CABCOCO1: variants seen among roughly 807,000 people sequenced by gnomAD.
CABCOCO1 encodes the protein ciliary-associated calcium-binding coiled-coil protein 1.
In CABCOCO1, 28 loss-of-function variants were observed where a neutral mutation model predicts 35.7. The observed-to-expected ratio is 0.78, with a 90% confidence interval of 0.58 to 1.07. CABCOCO1 has a LOEUF of 1.07. CABCOCO1 is among the 50% of genes least tolerant of loss of function. CABCOCO1 has a pLI of 0.00. For missense variants in CABCOCO1, 326 were observed against 309.2 expected (o/e 1.05, Z -0.41); for synonymous variants, 95 against 100.1 (o/e 0.95, Z 0.30).
intron 5 of CABCOCO1, among the ~76,000 whole-genome samples, chr10:61,750,038 C>T (rs1841747440): frequency 6.6e-6 from 1 of 151,910 alleles, no homozygotes; most frequent in Non-Finnish European, 1.5e-5. Context: ...TAGGGCCTCC[C>T]CATTGAACAA....
chr10:61,752,385 G>A (rs1337267127), intron 5 of CABCOCO1, among the ~76,000 whole-genome samples: 2 of 148,592 alleles, frequency 1.3e-5, no homozygotes, highest in African/African-American at 4.9e-5. Flanking sequence ...AAAAAGGGTA[G>A]GGGCTAGGGA....
intron 3 of CABCOCO1, among the ~76,000 whole-genome samples, chr10:61,682,569 T>C (rs1230069384): frequency 6.6e-6 from 1 of 152,212 alleles, no homozygotes; most frequent in Non-Finnish European, 1.5e-5. Context: ...CTGTAGAATA[T>C]TTTTTATTTC....
At chr10:61,701,713 AG>A in intron 5 of CABCOCO1, 4 of 985,072 alleles carry the variant, frequency 4.1e-6, no homozygotes, top group Non-Finnish European at 4.8e-6. Flanking sequence ...GCATGCCTAA[AG>A]TAAACTGTAT....
In CABCOCO1 at chr10:61,766,586, A is replaced by G. The variant is rs1274636569; in HGVS notation, c.*573A>G. The G allele has an allele frequency of 1.3e-5, 2 of 152,026 alleles. No individual in the cohort carries two copies. Among genetic ancestry groups the G allele is most frequent in the Non-Finnish European group, 1.5e-5 (1 of 68,072 alleles). The allele number at this position is 152,026 out of a possible 1,614,324, so 9.4% of individuals were successfully genotyped here. A position where few individuals can be genotyped will look rare whatever the true frequency, so the allele number is the denominator to read the frequency against. The stretch of plus-strand genomic sequence containing the variant: ...GAAACCAATTTTCTGAAATTATATA[A>G]TGCAGTTTGAAGCACTTTAATTTAT... On this transcript the variant is annotated 3_prime_UTR_variant, in exon 8 of 8. Transcript: ENST00000648843.
chr10:61,712,470 C>A (rs928708943), intron 5 of CABCOCO1, among the ~76,000 whole-genome samples: 3 of 151,994 alleles, frequency 2.0e-5, no homozygotes, highest in Non-Finnish European at 4.4e-5. Flanking sequence ...TTCACTCTGA[C>A]AGTAGTTTCT....
At chr10:61,686,807 T>C (rs9943455) in intron 4 of CABCOCO1, among the ~76,000 whole-genome samples, 232 of 152,304 alleles carry the variant, frequency 1.5e-3, no homozygotes, top group African/African-American at 5.3e-3. Flanking sequence ...TGATTCTTCA[T>C]TGGTGAACTA....
At chr10:61,679,402 T>TAGCAG (rs1839638854) in intron 2 of CABCOCO1, among the ~76,000 whole-genome samples, 1 of 152,152 alleles carries the variant, frequency 6.6e-6, no homozygotes, top group Non-Finnish European at 1.5e-5. Flanking sequence ...CAGGAACCCT[T>TAGCAG]GTCTGCAATA....
At chr10:61,682,955 A>G (rs534372074) in intron 3 of CABCOCO1, among the ~76,000 whole-genome samples, 1 of 142,114 alleles carries the variant, frequency 7.0e-6, no homozygotes, top group East Asian at 2.0e-4. Context: ...CAGTGGTGTG[A>G]TCTTTGCTCA....
chr10:61,709,715 G>A (rs1181291633), intron 5 of CABCOCO1, among the ~76,000 whole-genome samples: 1 of 151,632 alleles, frequency 6.6e-6, no homozygotes, highest in East Asian at 1.9e-4. Context: ...AATGTATAGA[G>A]ACAACAACTC....
At chr10:61,739,984 C>T (rs1589149545) in intron 5 of CABCOCO1, among the ~76,000 whole-genome samples, 1 of 152,198 alleles carries the variant, frequency 6.6e-6, no homozygotes, top group East Asian at 1.9e-4. Flanking sequence ...AAGTTGGTAA[C>T]TACTTGGATA....
intron 5 of CABCOCO1, among the ~76,000 whole-genome samples, chr10:61,694,096 C>A (rs1166309363): frequency 6.6e-6 from 1 of 151,514 alleles, no homozygotes; most frequent in Admixed American, 6.6e-5. Flanking sequence ...GTAAAAGGGA[C>A]TTCGAGGATT....
intron 5 of CABCOCO1, among the ~76,000 whole-genome samples, chr10:61,696,487 G>C (rs984162706): frequency 6.6e-6 from 1 of 151,920 alleles, no homozygotes; most frequent in Non-Finnish European, 1.5e-5. Context: ...ATTAACATAT[G>C]AAGGTCAATT....
At chr10:61,672,490 A>T (rs1364059786) in intron 1 of CABCOCO1, among the ~76,000 whole-genome samples, 142 bp from the exon 2 acceptor site, 1 of 152,266 alleles carries the variant, frequency 6.6e-6, no homozygotes, top group African/African-American at 2.4e-5. Context: ...TGGAAAAGAA[A>T]AGATACCATC....
At chr10:61,712,621 G>T (rs543295759) in intron 5 of CABCOCO1, among the ~76,000 whole-genome samples, 3 of 152,018 alleles carry the variant, frequency 2.0e-5, no homozygotes, top group Non-Finnish European at 2.9e-5. Context: ...TTTGTTCTAG[G>T]GTTTTTATGG....
At chr10:61,702,674 A>C (rs1840490223) in intron 5 of CABCOCO1, among the ~76,000 whole-genome samples, 1 of 152,096 alleles carries the variant, frequency 6.6e-6, no homozygotes, top group African/African-American at 2.4e-5. Flanking sequence ...ATGTTTTCAT[A>C]GTGTTCAAGT....
intron 2 of CABCOCO1, among the ~76,000 whole-genome samples, chr10:61,680,139 C>T (rs1358131414): frequency 1.3e-5 from 2 of 150,968 alleles, no homozygotes; most frequent in Non-Finnish European, 2.9e-5. Context: ...GGTGAAACCC[C>T]GTCTCTACTA....
intron 1 of CABCOCO1, among the ~76,000 whole-genome samples, chr10:61,663,356 GT>G (rs1564526138): frequency 6.6e-6 from 1 of 150,976 alleles, no homozygotes; most frequent in African/African-American, 2.4e-5. Context: ...CGCAGGTTTT[GT>G]TTTTTGGTTT....
intron 5 of CABCOCO1, among the ~76,000 whole-genome samples, chr10:61,737,048 G>A (rs1841433344): frequency 1.3e-5 from 2 of 152,152 alleles, no homozygotes. Flanking sequence ...TTTGGACCAA[G>A]ACTATGGGGT....
In CABCOCO1 at chr10:61,766,288, T is replaced by A. The variant is rs957100373; in HGVS notation, c.*275T>A. On this transcript the variant is annotated 3_prime_UTR_variant, in exon 8 of 8. Coordinates refer to ENST00000648843, the MANE Select transcript of CABCOCO1 (RefSeq NM_001366906.2). ...ATATATAAAAATACAATTACTTTTA[T>A]GATAGTCCTTTGACGTTTTGACTAA... is the stretch of plus-strand genomic sequence containing the variant. The A allele has an allele frequency of 7.0e-5, 15 of 213,372 alleles. No homozygotes were observed. Among genetic ancestry groups the A allele is most frequent in the Non-Finnish European group, 1.1e-4 (12 of 107,332 alleles). 13.2% of individuals were successfully genotyped at this position (213,372 alleles called of 1,614,324 possible).
Sources: gnomAD v4.1 joint callset for allele counts (sites outside exome capture counted in the v4.1 genomes callset) on GRCh38, gnomAD v4.1.1 for gene constraint, MANE v1.5 for transcripts, NCBI Gene and HGNC (gene_info 2026-07-23, HGNC 2026-07-21) for gene names.